Variants in ST8SIA1 observed in about 807,000 individuals in gnomAD.
The protein encoded by ST8SIA1 is alpha-N-acetylneuraminide alpha-2,8-sialyltransferase.
ST8SIA1 carries 16 observed loss-of-function variants against 35.9 expected under a neutral mutation model. That is an observed-to-expected ratio of 0.45 (90% CI 0.30 to 0.68). The LOEUF is 0.68. Among genes scored for constraint, ST8SIA1 ranks in the 30% least tolerant of loss-of-function variants. The pLI, the probability that ST8SIA1 is intolerant of heterozygous loss-of-function variation, is 0.09. For synonymous variants in ST8SIA1, 170 were observed against 169.6 expected (o/e 1.00, Z -0.02); for missense variants, 383 against 453.6 (o/e 0.84, Z 1.41).
At chr12:22,225,708 T>C (rs1416129567) in intron 4 of ST8SIA1, among the ~76,000 whole-genome samples, 2 of 152,196 alleles carry the variant, frequency 1.3e-5, no homozygotes, top group East Asian at 3.8e-4. Context: ...TCTTGCTTTA[T>C]TTCAGCGTTC....
Position 22,287,259 on chromosome 12 carries a change from G to A in ST8SIA1, c.271C>T (p.Leu91Phe). The change falls in exon 2 of 5, where the codon CTC (leucine) becomes TTC (phenylalanine). Residue 91 changes from leucine (L) to phenylalanine (F), a missense_variant. Leu to Phe is a conservative substitution (Grantham distance 22, BLOSUM62 0). Coordinates refer to ENST00000396037, the MANE Select transcript of ST8SIA1 (RefSeq NM_003034.4). ...QMEDCCDPAH[L>F]FAMTKMNSPM... The stretch of plus-strand genomic sequence containing the variant: ...GAATTCATTTTAGTCATAGCAAAGA[G>A]ATGGGCAGGGTCGCAGCAGTCTTCC... 4 of 1,614,078 alleles carry A rather than the reference G, an allele frequency of 2.5e-6. No homozygotes were observed. The highest frequency in any genetic ancestry group is 2.5e-6 in the Non-Finnish European group (3 of 1,179,986).
intron 4 of ST8SIA1, chr12:22,223,784 A>G (rs1865327521): frequency 1.6e-6 from 2 of 1,257,360 alleles, no homozygotes; most frequent in African/African-American, 1.6e-5. Flanking sequence ...CTTTAAATAA[A>G]CCCATTTATG....
intron 1 of ST8SIA1, among the ~76,000 whole-genome samples, chr12:22,306,845 T>C (rs2135829341): frequency 6.6e-6 from 1 of 152,322 alleles, no homozygotes; most frequent in Non-Finnish European, 1.5e-5. Flanking sequence ...CTTCTCACAT[T>C]TTTATCACTT....
intron 1 of ST8SIA1, among the ~76,000 whole-genome samples, chr12:22,321,557 A>AT (rs1866601962): frequency 1.3e-5 from 2 of 152,162 alleles, no homozygotes; most frequent in African/African-American, 4.8e-5. Context: ...AGACGCCAGA[A>AT]TTTTCATTGT....
intron 1 of ST8SIA1, among the ~76,000 whole-genome samples, chr12:22,317,013 G>C (rs80053323): frequency 3.4e-4 from 51 of 152,168 alleles, no homozygotes; most frequent in African/African-American, 1.1e-3. Flanking sequence ...TAAATGTGCT[G>C]TCTCATGACC....
At chr12:22,308,445 C>A (rs1333729935) in intron 1 of ST8SIA1, among the ~76,000 whole-genome samples, 1 of 152,190 alleles carries the variant, frequency 6.6e-6, no homozygotes, top group Non-Finnish European at 1.5e-5. Flanking sequence ...ATTATCTCTG[C>A]TCTCTGACAT....
chr12:22,267,057 G>A (rs2135803870), intron 2 of ST8SIA1, among the ~76,000 whole-genome samples: 1 of 152,288 alleles, frequency 6.6e-6, no homozygotes, highest in Non-Finnish European at 1.5e-5. Context: ...GCAAGTTTCA[G>A]TTAAGAACAT....
intron 2 of ST8SIA1, among the ~76,000 whole-genome samples, chr12:22,266,502 A>AAATAT (rs1555158392): frequency 6.7e-6 from 1 of 150,156 alleles, no homozygotes; most frequent in Non-Finnish European, 1.5e-5. Flanking sequence ...TTAAAAAAAA[A>AAATAT]ATATATATAT....
Position 22,201,467 on chromosome 12 carries a change from G to T in ST8SIA1, c.*85C>A. 1 of 1,496,518 alleles carries T rather than the reference G, an allele frequency of 6.7e-7. No individual in the cohort carries two copies. The highest frequency in any genetic ancestry group is 1.4e-5 in the South Asian group (1 of 70,722). 92.7% of individuals were successfully genotyped at this position (1,496,518 alleles called of 1,614,324 possible). ...TTTCCAAGGGCCCATGCAAACTCATGAAACAACTTGACCATTCCCTCTTGG... is the reference window on the plus strand; with the variant it reads ...TTTCCAAGGGCCCATGCAAACTCATTAAACAACTTGACCATTCCCTCTTGG... On this transcript the variant is annotated 3_prime_UTR_variant, in exon 5 of 5. Coordinates refer to ENST00000396037, the MANE Select transcript of ST8SIA1 (RefSeq NM_003034.4).
intron 4 of ST8SIA1, among the ~76,000 whole-genome samples, chr12:22,232,254 T>G (rs886924330): frequency 6.6e-6 from 1 of 152,138 alleles, no homozygotes; most frequent in African/African-American, 2.4e-5. Flanking sequence ...AAAAACTTAT[T>G]GGGAGATGAC....
chr12:22,212,010 C>A (rs1253095857), intron 4 of ST8SIA1, among the ~76,000 whole-genome samples: 1 of 152,130 alleles, frequency 6.6e-6, no homozygotes, highest in Non-Finnish European at 1.5e-5. Context: ...TGCACCCGGC[C>A]CTAACTTACT....
At chr12:22,238,160 A>AAC (rs1294775242) in intron 4 of ST8SIA1, among the ~76,000 whole-genome samples, 1 of 109,642 alleles carries the variant, frequency 9.1e-6, no homozygotes, top group Admixed American at 1.0e-4. Context: ...GTGACTTGAG[A>AAC]ACTCCCCCCC....
At chr12:22,302,517 C>T (rs184180403) in intron 1 of ST8SIA1, among the ~76,000 whole-genome samples, 2 of 152,244 alleles carry the variant, frequency 1.3e-5, no homozygotes, top group Admixed American at 1.3e-4. Context: ...TCTCAACCTG[C>T]TAAAAATGAG....
chr12:22,324,523 TATTA>T (rs1866648768), intron 1 of ST8SIA1: 1 of 152,212 alleles, frequency 6.6e-6, no homozygotes, highest in Non-Finnish European at 1.5e-5. Flanking sequence ...CTGCATATAC[TATTA>T]CTAGAAAAAT....
chr12:22,281,083 T>G (rs113257619), intron 2 of ST8SIA1, among the ~76,000 whole-genome samples: 41 of 152,326 alleles, frequency 2.7e-4, no homozygotes, highest in African/African-American at 9.9e-4. Flanking sequence ...AGTTTTTGTT[T>G]TGCTTCATGG....
intron 4 of ST8SIA1, among the ~76,000 whole-genome samples, chr12:22,218,620 T>TAAATAAATAAATAAATAAATAAAG: frequency 1.4e-5 from 2 of 147,728 alleles, no homozygotes; most frequent in African/African-American, 2.5e-5. Flanking sequence ...TCAAAATAAA[T>TAAATAAATAAATAAATAAATAAAG]AAATAAATAA....
intron 1 of ST8SIA1, among the ~76,000 whole-genome samples, chr12:22,321,509 C>T (rs541823152): frequency 6.6e-6 from 1 of 152,224 alleles, no homozygotes; most frequent in East Asian, 1.9e-4. Context: ...CTGCCGCAAG[C>T]GCCTAGAGGT....
chr12:22,300,526 T>G (rs1866306120), intron 1 of ST8SIA1, among the ~76,000 whole-genome samples: 1 of 152,204 alleles, frequency 6.6e-6, no homozygotes, highest in Non-Finnish European at 1.5e-5. Context: ...ATAAAAGGCT[T>G]ATTGAAGTTA....
At chr12:22,298,578 C>T (rs1409451421) in intron 1 of ST8SIA1, among the ~76,000 whole-genome samples, 1 of 152,158 alleles carries the variant, frequency 6.6e-6, no homozygotes, top group Admixed American at 6.5e-5. Context: ...TTCTCTATAT[C>T]AAGTCAAATC....
Sources: allele counts gnomAD v4.1 joint callset (sites outside exome capture counted in the v4.1 genomes callset), GRCh38; gene constraint gnomAD v4.1.1; transcripts MANE v1.5; gene names NCBI Gene and HGNC (gene_info 2026-07-23, HGNC 2026-07-21).